The following FNDC3B variants were observed in gnomAD, a reference collection of about 807,000 sequenced individuals.
FNDC3B encodes the protein fibronectin type III domain-containing protein 3B.
Under a neutral mutation model 151.5 loss-of-function variants are expected in FNDC3B, and 12 were observed. That is an observed-to-expected ratio of 0.08 (90% confidence interval 0.05 to 0.13). The LOEUF is 0.13. FNDC3B is among the 10% of genes least tolerant of loss of function. The probability of loss-of-function intolerance (pLI) is 1.00; values close to 1 mark genes in which losing one functional copy is unlikely to be tolerated. For missense variants in FNDC3B, 1,214 were observed against 1,505.3 expected, an observed-to-expected ratio of 0.81 and a Z score of 3.20; for synonymous variants, 528 against 549.0, an observed-to-expected ratio of 0.96 and a Z score of 0.54.
chr3:172,237,287 T>G (rs1035879921), intron 4 of FNDC3B: 2 of 152,270 alleles, frequency 1.3e-5, no homozygotes, highest in Non-Finnish European at 2.9e-5. Flanking sequence ...ACCTTACCTA[T>G]TGCCTGCAGT....
intron 3 of FNDC3B, among the ~76,000 whole-genome samples, chr3:172,192,131 G>A (rs1006792578): frequency 2.7e-5 from 4 of 150,742 alleles, no homozygotes; most frequent in African/African-American, 9.8e-5. Flanking sequence ...GCCAACTCTT[G>A]TTAACCAAAT....
rs1736497954 is a variant in FNDC3B at position 172,400,072 on chromosome 3, A to G, written c.*2597A>G. 6.6e-6 allele frequency: 1 copy of G among 152,542 alleles called. No individual in the cohort carries two copies. Among genetic ancestry groups the G allele is most frequent in the Non-Finnish European group, 1.5e-5 (1 of 68,042 alleles). The allele number at this position is 152,542 out of a possible 1,614,324, so 9.4% of individuals were successfully genotyped here. A position where few individuals can be genotyped will look rare whatever the true frequency, so the allele number is the denominator to read the frequency against. Reference sequence around the variant, plus strand: ...ACAAATATGTATATGTGATATTGATATATAACTATATATATTGCCATCACA... The same window carrying G: ...ACAAATATGTATATGTGATATTGATGTATAACTATATATATTGCCATCACA... On this transcript the variant is annotated 3_prime_UTR_variant, in exon 26 of 26. Coordinates refer to ENST00000415807, the MANE Select transcript of FNDC3B (RefSeq NM_022763.4).
In FNDC3B at chr3:172,055,723, C is replaced by T. The variant is rs9843010; in HGVS notation, c.-29+15952C>T. ...GTGGGAGTGAGTAGGGGAGAACAGGCGATGGCTAGGGAAGGATGTAGCACT... is the reference window on the plus strand; with the variant it reads ...GTGGGAGTGAGTAGGGGAGAACAGGTGATGGCTAGGGAAGGATGTAGCACT... On this transcript the variant is annotated intron_variant, in intron 1 of 25. Transcript: ENST00000415807. Among the ~76,000 whole-genome samples, 162 of 151,186 alleles carry T rather than the reference C, an allele frequency of 1.1e-3. 2 individuals carry two copies. Among genetic ancestry groups the T allele is most frequent in the African/African-American group, 3.6e-3 (150 of 41,258 alleles).
At chr3:172,145,422 T>C (rs1721852381) in intron 3 of FNDC3B, among the ~76,000 whole-genome samples, 1 of 152,224 alleles carries the variant, frequency 6.6e-6, no homozygotes, top group Non-Finnish European at 1.5e-5. Context: ...CTGTTTCGTT[T>C]TGCAGTTCTC....
chr3:172,143,899 C>T (rs1177880037), intron 3 of FNDC3B, among the ~76,000 whole-genome samples: 2 of 145,836 alleles, frequency 1.4e-5, no homozygotes, highest in Non-Finnish European at 3.0e-5. Context: ...CAGAGTGAGC[C>T]TCCATCTCAA....
intron 4 of FNDC3B, among the ~76,000 whole-genome samples, chr3:172,238,724 A>T (rs1040050568): frequency 1.3e-5 from 2 of 152,164 alleles, no homozygotes; most frequent in African/African-American, 4.8e-5. Flanking sequence ...GAAAATGCAG[A>T]GGGAAGAGTT....
chr3:172,124,775 T>C (rs1358422466), intron 2 of FNDC3B, among the ~76,000 whole-genome samples: 1 of 152,250 alleles, frequency 6.6e-6, no homozygotes, highest in Non-Finnish European at 1.5e-5. Flanking sequence ...CAGTGGCTTT[T>C]AATGGATATT....
At chr3:172,218,166 G>T (rs1009229594) in intron 3 of FNDC3B, among the ~76,000 whole-genome samples, 1 of 147,604 alleles carries the variant, frequency 6.8e-6, no homozygotes, top group Non-Finnish European at 1.5e-5. Context: ...AAAAGGGCTG[G>T]TCCTTTGATT....
chr3:172,160,614 T>G (rs1050099099), intron 3 of FNDC3B, among the ~76,000 whole-genome samples: 2 of 152,234 alleles, frequency 1.3e-5, no homozygotes, highest in African/African-American at 4.8e-5. Context: ...AAATGTCAGT[T>G]TGGGCTAGGG....
chr3:172,097,290 C>A (rs942230582), intron 1 of FNDC3B, among the ~76,000 whole-genome samples: 10 of 152,192 alleles, frequency 6.6e-5, no homozygotes, highest in African/African-American at 2.4e-4. Flanking sequence ...ACTCAGCAAA[C>A]ATGACCTTAG....
chr3:172,117,974 C>A (rs1029697588), intron 2 of FNDC3B, among the ~76,000 whole-genome samples: 3 of 152,204 alleles, frequency 2.0e-5, no homozygotes, highest in African/African-American at 7.2e-5. Context: ...AAGGCAATTG[C>A]CTCAATCATG....
chr3:172,282,145 T>A (rs2108819475), intron 6 of FNDC3B, among the ~76,000 whole-genome samples: 1 of 152,332 alleles, frequency 6.6e-6, no homozygotes, highest in African/African-American at 2.4e-5. Flanking sequence ...ACTGTTAGCT[T>A]TCGTACAAGA....
At chr3:172,216,948 C>A (rs760775711) in intron 3 of FNDC3B, among the ~76,000 whole-genome samples, 6 of 152,184 alleles carry the variant, frequency 3.9e-5, no homozygotes, top group African/African-American at 9.6e-5. Context: ...ACCAAATGCT[C>A]ATGCTGCTTG....
chr3:172,358,954 T>TTGGTGGGGGTGGTGGTGG lies in FNDC3B; in HGVS notation c.2796-3673_2796-3672insGGGTGGTGGTGGTGGTGG, dbSNP rs1272463153. ...AGTGTTAAATGCTACCACAGTTTTCTTGGTGGTGGTGGTGGTGGTGGTGGT... is the reference window on the plus strand; with the variant it reads ...AGTGTTAAATGCTACCACAGTTTTCTTGGTGGGGGTGGTGGTGGTGGTGGTGGTGGTGGTGGTGGTGGT... On this transcript the variant is annotated intron_variant, in intron 22 of 25. Transcript: ENST00000415807. Among the ~76,000 whole-genome samples the TTGGTGGGGGTGGTGGTGG allele has an allele frequency of 3.7e-5, 3 of 80,610 alleles. No homozygotes were observed. In the East Asian group the frequency reaches 1.1e-3, roughly 30 times the overall value. 52.9% of individuals were successfully genotyped at this position (80,610 alleles called of 152,430 possible).
At chr3:172,062,937 G>A (rs1034753156) in intron 1 of FNDC3B, among the ~76,000 whole-genome samples, 2 of 152,120 alleles carry the variant, frequency 1.3e-5, no homozygotes, top group African/African-American at 2.4e-5. Flanking sequence ...TCTCTTTAAA[G>A]CATTACTTTT....
At chr3:172,069,493 T>G (rs994616407) in intron 1 of FNDC3B, among the ~76,000 whole-genome samples, 6 of 152,222 alleles carry the variant, frequency 3.9e-5, no homozygotes, top group African/African-American at 1.4e-4. Flanking sequence ...TAATTTTAAG[T>G]TCTGGGATAC....
intron 1 of FNDC3B, among the ~76,000 whole-genome samples, chr3:172,043,039 C>G (rs1027452656): frequency 2.0e-5 from 3 of 151,938 alleles, no homozygotes; most frequent in Non-Finnish European, 4.4e-5. Flanking sequence ...CTTAGCCTCC[C>G]GAGTAGCTGG....
intron 3 of FNDC3B, among the ~76,000 whole-genome samples, chr3:172,137,982 CTT>C (rs1162543778): frequency 2.0e-5 from 3 of 152,234 alleles, no homozygotes; most frequent in African/African-American, 7.2e-5. Context: ...AGAGGGCACA[CTT>C]GGGTCTCTCC....
At chr3:172,170,147 A>G (rs1255998282) in intron 3 of FNDC3B, among the ~76,000 whole-genome samples, 2 of 152,236 alleles carry the variant, frequency 1.3e-5, no homozygotes, top group African/African-American at 4.8e-5. Context: ...GCTTTTATTG[A>G]AAATATAAAT....
Sources: allele counts gnomAD v4.1 joint callset (sites outside exome capture counted in the v4.1 genomes callset), GRCh38; gene constraint gnomAD v4.1.1; transcripts MANE v1.5; gene names NCBI Gene and HGNC (gene_info 2026-07-23, HGNC 2026-07-21).